Variants in RHCE observed in about 807,000 individuals in gnomAD.
The protein encoded by RHCE is Rh blood group CcEe antigens.
In RHCE, 22 loss-of-function variants were observed where a neutral mutation model predicts 43.8. The ratio of observed to expected loss-of-function variants is 0.50; its 90% CI spans 0.36 to 0.72. The LOEUF is 0.72. RHCE is among the 30% of genes least tolerant of loss of function. The probability of loss-of-function intolerance (pLI) is 0.00; values close to 1 mark genes in which losing one functional copy is unlikely to be tolerated. For missense variants in RHCE, 385 were observed against 525.4 expected, an observed-to-expected ratio of 0.73 and a Z score of 2.61; for synonymous variants, 156 against 210.7, an observed-to-expected ratio of 0.74 and a Z score of 2.25.
chr1:25,418,555 G>T (rs2042664837), intron 1 of RHCE, among the ~76,000 whole-genome samples: 1 of 152,182 alleles, frequency 6.6e-6, no homozygotes, highest in South Asian at 2.1e-4. Flanking sequence ...CTCCAGCCTT[G>T]GCCTCCCAAA....
chr1:25,389,413 G>A (rs994085703), intron 5 of RHCE, among the ~76,000 whole-genome samples: 8 of 152,156 alleles, frequency 5.3e-5, no homozygotes, highest in Non-Finnish European at 1.0e-4. Flanking sequence ...CATTAGTGGT[G>A]TGTCCCTGGA....
chr1:25,408,054 G>T (rs1344796870), intron 2 of RHCE, among the ~76,000 whole-genome samples: 1 of 123,334 alleles, frequency 8.1e-6, no homozygotes, highest in African/African-American at 2.5e-5. Flanking sequence ...TTGGGAGGCC[G>T]AGGCAGGCCG....
At chr1:25,413,023 C>CA (rs971258259) in intron 1 of RHCE, among the ~76,000 whole-genome samples, 36 of 149,860 alleles carry the variant, frequency 2.4e-4, no homozygotes, top group Non-Finnish European at 7.4e-5. Context: ...GACTCCGGCT[C>CA]AAAAAAAAAG....
intron 1 of RHCE, chr1:25,411,350 T>C (rs1312202348): frequency 1.5e-5 from 24 of 1,550,442 alleles, no homozygotes; most frequent in Non-Finnish European, 2.0e-5. Context: ...CTGCCACTGG[T>C]CTCCAGCCCT....
At chr1:25,424,578 G>A (rs1172194619), upstream of RHCE, among the ~76,000 whole-genome samples, 11 of 152,120 alleles carry the variant, frequency 7.2e-5, no homozygotes, top group Middle Eastern at 3.4e-3. Flanking sequence ...AGTAGAGACA[G>A]GGTTTCACCA....
At chr1:25,420,562 C>T in intron 1 of RHCE, 77 bp downstream of exon 1, 1 of 1,613,222 alleles carries the variant, frequency 6.2e-7, no homozygotes, top group Non-Finnish European at 8.5e-7. Context: ...ACATCTGTGC[C>T]CCTGGAGAAC....
chr1:25,376,554 C>G lies in RHCE; in HGVS notation c.1074-1126G>C, dbSNP rs372575628. 1.7e-3 allele frequency among the ~76,000 whole-genome samples: 255 copies of G among 152,276 alleles called. 1 individual carries two copies. The highest frequency in any genetic ancestry group is 4.4e-3 in the African/African-American group (181 of 41,548). ...TTCATTATAAAGTGGGAGAAATAAT[C>G]ACAGTCCCTACCTCATAAGATCATA... On this transcript the variant is annotated intron_variant, in intron 7 of 9. Coordinates refer to ENST00000294413, the MANE Select transcript of RHCE (RefSeq NM_020485.8).
chr1:25,411,430 T>A (rs904181896), intron 1 of RHCE: 3 of 1,550,038 alleles, frequency 1.9e-6, no homozygotes, highest in Non-Finnish European at 1.7e-6. Context: ...CTTTGATTTA[T>A]AAAGTACATT....
At chr1:25,394,367 G>C (rs1646477160) in intron 3 of RHCE, among the ~76,000 whole-genome samples, 1 of 151,762 alleles carries the variant, frequency 6.6e-6, no homozygotes, top group Non-Finnish European at 1.5e-5. Context: ...CCCTGCCATT[G>C]TTCTGCCGCT....
chr1:25,408,162 C>G (rs1027362376), intron 2 of RHCE, among the ~76,000 whole-genome samples: 5 of 121,688 alleles, frequency 4.1e-5, no homozygotes, highest in African/African-American at 1.0e-4. Flanking sequence ...TGGCACATGC[C>G]TATAATCCCA....
upstream of RHCE, among the ~76,000 whole-genome samples, chr1:25,424,813 T>C (rs1159966266): frequency 1.3e-5 from 2 of 152,140 alleles, no homozygotes; most frequent in Non-Finnish European, 2.9e-5. Context: ...TCTATATTTT[T>C]ACTTGTGTAT....
intron 7 of RHCE, among the ~76,000 whole-genome samples, chr1:25,384,844 C>T (rs1646102349): frequency 6.6e-6 from 1 of 152,106 alleles, no homozygotes; most frequent in Admixed American, 6.6e-5. Context: ...CTGAGAATAC[C>T]TCAGTAGGCG....
At chr1:25,420,514 G>C (rs2042737633) in intron 1 of RHCE, 125 bp downstream of exon 1, 7 of 1,589,284 alleles carry the variant, frequency 4.4e-6, no homozygotes, top group Middle Eastern at 1.7e-4. Context: ...TACGGAAGAA[G>C]ATGGGGGAAT....
chr1:25,388,803 C>A (rs1295771161), intron 6 of RHCE, among the ~76,000 whole-genome samples, 173 bp downstream of exon 6: 2 of 152,186 alleles, frequency 1.3e-5, no homozygotes, highest in Non-Finnish European at 2.9e-5. Flanking sequence ...TCCCCAGCAT[C>A]TTAACAAATG....
chr1:25,370,453 G>A lies in RHCE; in HGVS notation c.1227+14C>T. ...CACTCAAAATCTATCACGTTAATAGGTGAAAAATCTTACCTTCCAGAAAAC... is the reference window on the plus strand; with the variant it reads ...CACTCAAAATCTATCACGTTAATAGATGAAAAATCTTACCTTCCAGAAAAC... On this transcript the variant is annotated intron_variant, in intron 9 of 9. Coordinates refer to ENST00000294413, the MANE Select transcript of RHCE (RefSeq NM_020485.8). 1.2e-6 allele frequency: 2 copies of A among 1,602,468 alleles called. No individual in the cohort carries two copies. Among genetic ancestry groups the A allele is most frequent in the South Asian group, 2.2e-5 (2 of 90,854 alleles).
At chr1:25,429,248 C>G (rs772108152) in intron 1 of RHCE, among the ~76,000 whole-genome samples, 5 of 87,606 alleles carry the variant, frequency 5.7e-5, no homozygotes, top group Admixed American at 1.4e-4. Context: ...TTTTTTGAGA[C>G]AAAGTCTCGC....
chr1:25,396,766 A>G lies in RHCE; in HGVS notation c.487-4625T>C, dbSNP rs551032474. Among the ~76,000 whole-genome samples, 55 of 152,216 alleles carry G rather than the reference A, an allele frequency of 3.6e-4. No individual in the cohort carries two copies. In the Middle Eastern group the frequency reaches 0.017, roughly 47 times the overall value. On this transcript the variant is annotated intron_variant, in intron 3 of 9. Coordinates refer to ENST00000294413, the MANE Select transcript of RHCE (RefSeq NM_020485.8). ...ACAAGGTCCTGCCCTCAACACGTGGAGATTACAATTCGAGATGAGATTGGA... is the reference window on the plus strand; with the variant it reads ...ACAAGGTCCTGCCCTCAACACGTGGGGATTACAATTCGAGATGAGATTGGA...
chr1:25,402,190 G>GTCTATCTA (rs1407388387), intron 3 of RHCE, among the ~76,000 whole-genome samples: 1 of 133,354 alleles, frequency 7.5e-6, no homozygotes, highest in African/African-American at 2.7e-5. Flanking sequence ...CTGTCTGTCT[G>GTCTATCTA]TCTGTCTGTC....
At position 25,407,255 on chromosome 1, in the gene RHCE, G is replaced by T. The variant is rs1248491821; in HGVS notation, c.335+1428C>A. On this transcript the variant is annotated intron_variant, in intron 2 of 9. Transcript: ENST00000294413. ...CTTTTAAAAAAGAAAAATACATACA[G>T]TTTTTTTCCTCTAGGGCCAGTCAGG... Among the ~76,000 whole-genome samples, 12 of 122,634 alleles carry T rather than the reference G, an allele frequency of 9.8e-5. 1 individual carries two copies. The highest frequency in any genetic ancestry group is 3.0e-4 in the African/African-American group (12 of 39,580). 80.5% of individuals were successfully genotyped at this position (122,634 alleles called of 152,430 possible).
Sources: gnomAD v4.1 joint callset for allele counts (sites outside exome capture counted in the v4.1 genomes callset) on GRCh38, gnomAD v4.1.1 for gene constraint, MANE v1.5 for transcripts, NCBI Gene and HGNC (gene_info 2026-07-23, HGNC 2026-07-21) for gene names.